Variants in XPO4 observed in about 807,000 individuals in gnomAD.
XPO4 encodes exportin 4.
A neutral mutation model predicts 143.0 loss-of-function variants in XPO4; 39 were observed. The ratio of observed to expected loss-of-function variants is 0.27; its 90% confidence interval spans 0.21 to 0.36. XPO4 has a LOEUF of 0.36. XPO4 is among the 10% of genes least tolerant of loss of function. XPO4 has a pLI of 1.00. For synonymous variants in XPO4, 439 were observed against 474.0 expected (o/e 0.93, Z 0.96); for missense variants, 907 against 1,348.0 (o/e 0.67, Z 5.12).
At chr13:20,851,719 A>G (rs1402841602) in intron 4 of XPO4, 1 of 926,180 alleles carries the variant, frequency 1.1e-6, no homozygotes, top group African/African-American at 1.8e-5. Context: ...CACAAAAAAA[A>G]AAAAAAAAAA....
At chr13:20,831,935 A>G (rs1324848118) in intron 6 of XPO4, among the ~76,000 whole-genome samples, 1 of 151,332 alleles carries the variant, frequency 6.6e-6, no homozygotes, top group Non-Finnish European at 1.5e-5. Flanking sequence ...CATTGCCATC[A>G]TAATCCCTTG....
chr13:20,828,011 G>A (rs932624643), intron 6 of XPO4, among the ~76,000 whole-genome samples: 3 of 152,200 alleles, frequency 2.0e-5, no homozygotes, highest in African/African-American at 4.8e-5. Flanking sequence ...GCCAAGGCAG[G>A]CGGATCACCT....
At chr13:20,809,007 A>G in intron 11 of XPO4, 76 bp downstream of exon 11, 1 of 1,525,766 alleles carries the variant, frequency 6.6e-7, no homozygotes, top group Non-Finnish European at 8.9e-7. Context: ...TAAAGTCTTT[A>G]AACACTTTAA....
Position 20,870,226 on chromosome 13 carries a change from G to A in XPO4, c.70-1525C>T, listed in dbSNP as rs61954197. ...ACAGGTCACCTGGGGTCAGGAGTTC[G>A]AGACCAGCCTGGCCAACATGGTGAA... On this transcript the variant is annotated intron_variant, in intron 1 of 22. Coordinates refer to ENST00000255305, the MANE Select transcript of XPO4 (RefSeq NM_022459.5). Among the ~76,000 whole-genome samples the A allele has an allele frequency of 2.0e-3, 305 of 151,766 alleles. 1 individual carries two copies. The highest frequency in any genetic ancestry group is 7.5e-3 in the South Asian group (36 of 4,810).
rs754822899 is a variant in XPO4, at chr13:20,783,845, A to T, written c.3333T>A (p.Asp1111Glu). 17 of 1,614,118 alleles carry T rather than the reference A, an allele frequency of 1.1e-5. No individual in the cohort carries two copies. The Admixed American group carries it at 2.5e-4, about 24-fold the overall frequency. Residue 1111 changes from aspartate to glutamate, a missense_variant, in exon 23 of 23, where the codon GAT becomes GAA. Coordinates refer to ENST00000255305, the MANE Select transcript of XPO4 (RefSeq NM_022459.5). ...TGCTTGCAGTGAGCTTGTTGAAGGC[A>T]TCTGCTAATCTCTGGTAAATAACTG... ...QDPVIYQRLA[D>E]AFNKLTASST... is the part of the protein sequence containing the mutation.
At chr13:20,825,744 C>T (rs908464728) in intron 7 of XPO4, among the ~76,000 whole-genome samples, 9 of 152,076 alleles carry the variant, frequency 5.9e-5, no homozygotes, top group African/African-American at 9.7e-5. Flanking sequence ...AGGCAGGCAA[C>T]GGAATTTTAA....
rs1418356596 is a variant in XPO4, at chr13:20,780,342, G to C, written c.*3380C>G. 6.6e-6 allele frequency: 1 copy of C among 152,146 alleles called. No individual in the cohort carries two copies. Among genetic ancestry groups the C allele is most frequent in the South Asian group, 2.1e-4 (1 of 4,826 alleles). The allele number at this position is 152,146 out of a possible 1,614,324, so 9.4% of individuals were successfully genotyped here. ...GGTTCAGAATGATGTTGAATACTAG[G>C]AGACTCAAACTTGTAATCCTTGAAA... On this transcript the variant is annotated 3_prime_UTR_variant, in exon 23 of 23. Coordinates refer to ENST00000255305, the MANE Select transcript of XPO4 (RefSeq NM_022459.5).
At chr13:20,828,788 A>G (rs1384295121) in intron 6 of XPO4, among the ~76,000 whole-genome samples, 1 of 152,172 alleles carries the variant, frequency 6.6e-6, no homozygotes. Flanking sequence ...AAAAAGGGGG[A>G]AAAAATCAGC....
chr13:20,811,288 C>CTTTT (rs769614867), intron 9 of XPO4, among the ~76,000 whole-genome samples: 1 of 136,718 alleles, frequency 7.3e-6, no homozygotes, highest in Non-Finnish European at 1.6e-5. Flanking sequence ...ATGCTTTTTT[C>CTTTT]TTTTTTTTTT....
intron 5 of XPO4, among the ~76,000 whole-genome samples, chr13:20,843,547 A>G (rs2059999070): frequency 6.6e-6 from 1 of 152,244 alleles, no homozygotes; most frequent in Non-Finnish European, 1.5e-5. Context: ...AGATCTTTAT[A>G]GAAGTATTGT....
chr13:20,809,681 A>G, intron 10 of XPO4, 110 bp downstream of exon 10: 1 of 1,256,388 alleles, frequency 8.0e-7, no homozygotes, highest in Admixed American at 3.0e-5. Context: ...CTCCCAGCAA[A>G]TCTTCTGAGG....
At chr13:20,855,856 A>G in intron 3 of XPO4, 91 bp from the exon 4 acceptor site, 2 of 1,304,502 alleles carry the variant, frequency 1.5e-6, no homozygotes, top group Non-Finnish European at 2.1e-6. Flanking sequence ...GCTACTAATA[A>G]CATTGCTTAC....
In XPO4 at chr13:20,782,472, A is replaced by T. The variant is rs1281316106; in HGVS notation, c.*1250T>A. On this transcript the variant is annotated 3_prime_UTR_variant, in exon 23 of 23. Transcript: ENST00000255305. ...AGATCAAACTAGAGGATCTAAAGTGAATTTTTAATCTCTGAAATTAAATTC... is the reference window on the plus strand; with the variant it reads ...AGATCAAACTAGAGGATCTAAAGTGTATTTTTAATCTCTGAAATTAAATTC... 6.6e-6 allele frequency: 1 copy of T among 152,650 alleles called. No individual in the cohort carries two copies. The highest frequency in any genetic ancestry group is 1.5e-5 in the Non-Finnish European group (1 of 68,040). The allele number at this position is 152,650 out of a possible 1,614,324, so 9.5% of individuals were successfully genotyped here. A position where few individuals can be genotyped will look rare whatever the true frequency, so the allele number is the denominator to read the frequency against.
chr13:20,851,630 G>A, intron 4 of XPO4: 1 of 537,232 alleles, frequency 1.9e-6, no homozygotes, highest in Non-Finnish European at 2.4e-6. Context: ...AATCACCTGA[G>A]CATGGGGAGG....
In XPO4 at chr13:20,882,604, T is replaced by C. The variant is rs564926154; in HGVS notation, c.70-13903A>G. Among the ~76,000 whole-genome samples, 134 of 152,162 alleles carry C rather than the reference T, an allele frequency of 8.8e-4. 1 individual carries two copies. Among genetic ancestry groups the C allele is most frequent in the African/African-American group, 3.0e-3 (126 of 41,532 alleles). On this transcript the variant is annotated intron_variant, in intron 1 of 22. Transcript: ENST00000255305. The stretch of plus-strand genomic sequence containing the variant: ...CCACATCATAAAGAGTCTAGGAGAA[T>C]TGGCCAGGCGCAGTGGCTCATGCTT...
intron 4 of XPO4, chr13:20,851,950 G>A: frequency 1.0e-6 from 1 of 985,376 alleles, no homozygotes; most frequent in Non-Finnish European, 1.2e-6. Context: ...AGTGGGACTA[G>A]TTTTTGTGCT....
intron 1 of XPO4, among the ~76,000 whole-genome samples, chr13:20,893,482 G>C (rs966921621): frequency 6.6e-6 from 1 of 152,166 alleles, no homozygotes; most frequent in Admixed American, 6.5e-5. Context: ...GCTCATGCCT[G>C]TAATCCCAGC....
intron 9 of XPO4, among the ~76,000 whole-genome samples, chr13:20,817,353 CACTT>C (rs1009479273): frequency 2.0e-5 from 3 of 152,208 alleles, no homozygotes; most frequent in African/African-American, 7.2e-5. Flanking sequence ...TACACTCACT[CACTT>C]GACAAATTGC....
intron 9 of XPO4, among the ~76,000 whole-genome samples, chr13:20,816,618 T>G (rs967154024): frequency 1.3e-5 from 2 of 152,206 alleles, no homozygotes; most frequent in Non-Finnish European, 2.9e-5. Flanking sequence ...GAACAATAGT[T>G]ATAACAGTAA....
Sources: allele counts gnomAD v4.1 joint callset (sites outside exome capture counted in the v4.1 genomes callset), GRCh38; gene constraint gnomAD v4.1.1; transcripts MANE v1.5; gene names NCBI Gene and HGNC (gene_info 2026-07-23, HGNC 2026-07-21).